Variants in DIAPH2 observed in about 807,000 individuals in gnomAD.
DIAPH2 encodes protein diaphanous homolog 2.
A neutral mutation model predicts 92.7 loss-of-function variants in DIAPH2; 35 were observed. The observed-to-expected ratio is 0.38, with a 90% CI of 0.29 to 0.50. The LOEUF (loss-of-function observed/expected upper bound fraction) is 0.50, where lower values mean the gene tolerates loss of function less well. DIAPH2 is among the 20% of genes least tolerant of loss of function. The pLI is 0.94. For synonymous variants in DIAPH2, 301 were observed against 280.4 expected (o/e 1.07, Z -0.73); for missense variants, 701 against 819.5 (o/e 0.86, Z 1.77).
At chrX:97,022,978 G>A (rs1264091105) in intron 17 of DIAPH2, among the ~76,000 whole-genome samples, 1 of 111,542 alleles carries the variant, frequency 9.0e-6, no homozygotes, top group African/African-American at 3.3e-5. Flanking sequence ...GAGGCCAGTA[G>A]TTCAAGGCTT....
intron 1 of DIAPH2, among the ~76,000 whole-genome samples, chrX:96,693,052 G>A (rs1325782798): frequency 2.7e-5 from 3 of 112,065 alleles, no homozygotes; most frequent in Non-Finnish European, 3.8e-5. Flanking sequence ...CTGGGGATGG[G>A]TGGAGTAGGT....
chrX:96,925,761 C>G lies in DIAPH2; in HGVS notation c.979-4972C>G, dbSNP rs370801616. 8.0e-5 allele frequency among the ~76,000 whole-genome samples: 9 copies of G among 111,854 alleles called. No individual in the cohort carries two copies. In the East Asian group the frequency reaches 2.0e-3, roughly 25 times the overall value. ...ATACTTCATCTGGCTGTTGCTTTCTCTTTCGCCTCATATTCCACCACCCTT... is the reference window on the plus strand; with the variant it reads ...ATACTTCATCTGGCTGTTGCTTTCTGTTTCGCCTCATATTCCACCACCCTT... On this transcript the variant is annotated intron_variant, in intron 9 of 26. Transcript: ENST00000324765.
chrX:96,884,294 C>A, intron 5 of DIAPH2: 1 of 1,197,806 alleles, frequency 8.3e-7, no homozygotes, highest in Non-Finnish European at 1.1e-6. Flanking sequence ...TTCTCCTCAG[C>A]CTGAGCTGTC....
intron 4 of DIAPH2, among the ~76,000 whole-genome samples, chrX:96,875,650 C>A (rs992799157): frequency 1.9e-4 from 21 of 110,976 alleles, no homozygotes; most frequent in African/African-American, 6.9e-4. Flanking sequence ...GGAAATGACA[C>A]AATATGAAGT....
chrX:97,247,643 T>A, intron 22 of DIAPH2, 72 bp from the exon 23 acceptor site: 1 of 1,007,847 alleles, frequency 9.9e-7, no homozygotes, highest in Non-Finnish European at 1.4e-6. Flanking sequence ...CTTTAACTGA[T>A]AATGTCTCCT....
At chrX:97,464,173 G>T (rs1281200557) in intron 26 of DIAPH2, among the ~76,000 whole-genome samples, 1 of 107,995 alleles carries the variant, frequency 9.3e-6, no homozygotes. Flanking sequence ...AGAAATATAA[G>T]TTGCTCTCAG....
intron 26 of DIAPH2, among the ~76,000 whole-genome samples, chrX:97,575,170 A>G (rs150669558): frequency 8.1e-4 from 91 of 113,043 alleles, no homozygotes; most frequent in African/African-American, 2.9e-3. Context: ...TAAGCCACAG[A>G]AATGTATTGT....
intron 20 of DIAPH2, 108 bp downstream of exon 20, chrX:97,099,903 T>G (rs2066895164): frequency 2.9e-6 from 1 of 349,809 alleles, no homozygotes; most frequent in African/African-American, 2.6e-5. Flanking sequence ...CATTACTGTA[T>G]TGCTACATAA....
chrX:96,939,540 ATG>A (rs1367614374), intron 12 of DIAPH2, among the ~76,000 whole-genome samples, 158 bp downstream of exon 12: 5 of 79,821 alleles, frequency 6.3e-5, no homozygotes, highest in Non-Finnish European at 1.2e-4. Context: ...GTATATATAT[ATG>A]TATGTATATA....
intron 22 of DIAPH2, among the ~76,000 whole-genome samples, chrX:97,181,905 A>C (rs2067543480): frequency 8.9e-6 from 1 of 112,697 alleles, no homozygotes; most frequent in African/African-American, 3.2e-5. Context: ...ATGGTGTGTT[A>C]ATAGATCATA....
chrX:97,209,010 C>T (rs1194192997), intron 22 of DIAPH2, among the ~76,000 whole-genome samples: 1 of 110,648 alleles, frequency 9.0e-6, no homozygotes, highest in Non-Finnish European at 1.9e-5. Context: ...ACTACATAAT[C>T]ATTTCTAATT....
rs773175815 is a variant in DIAPH2 at position 97,035,002 on chromosome X, G to C, written c.2051-37939G>C. On this transcript the variant is annotated intron_variant, in intron 17 of 26. Transcript: ENST00000324765. Reference sequence around the variant, plus strand: ...ATACACTTACAAAACATATCGGCTAGTGTATGCATTATTTCTACAACACTA... The same window carrying C: ...ATACACTTACAAAACATATCGGCTACTGTATGCATTATTTCTACAACACTA... 1.6e-3 allele frequency among the ~76,000 whole-genome samples: 177 copies of C among 112,160 alleles called. 1 individual carries two copies. The highest frequency in any genetic ancestry group is 2.3e-3 in the Non-Finnish European group (122 of 53,204).
chrX:97,076,714 A>C (rs923420142), intron 19 of DIAPH2, among the ~76,000 whole-genome samples: 1 of 111,801 alleles, frequency 8.9e-6, no homozygotes, highest in Admixed American at 9.5e-5. Flanking sequence ...GCTTACATTA[A>C]AGTTTACCTC....
At chrX:97,308,643 C>T (rs1477688439) in intron 23 of DIAPH2, among the ~76,000 whole-genome samples, 1 of 69,901 alleles carries the variant, frequency 1.4e-5, no homozygotes, top group Non-Finnish European at 2.6e-5. Context: ...TTTTTTGAGA[C>T]GGAGTCTCGC....
chrX:97,296,286 T>C lies in DIAPH2; in HGVS notation c.2844+48447T>C, dbSNP rs187330036. Among the ~76,000 whole-genome samples, 34 of 111,757 alleles carry C rather than the reference T, an allele frequency of 3.0e-4. 1 individual carries two copies. The East Asian group carries it at 9.0e-3, about 30-fold the overall frequency. ...AAACTAATTAGGCCCTTGAATAATA[T>C]AGGAATTTTCCCTACTACCCTTCAT... On this transcript the variant is annotated intron_variant, in intron 23 of 26. Transcript: ENST00000324765.
At chrX:97,033,917 A>G (rs1044871789) in intron 17 of DIAPH2, among the ~76,000 whole-genome samples, 1 of 111,837 alleles carries the variant, frequency 8.9e-6, no homozygotes, top group Admixed American at 9.5e-5. Context: ...CTTCATGTCT[A>G]TGTTGTTCCA....
In DIAPH2 at chrX:97,114,868, A is replaced by C; in HGVS notation, c.2492A>C (p.Asn831Thr). The C allele has an allele frequency of 8.3e-7, 1 of 1,211,051 alleles. No homozygotes were observed. The highest frequency in any genetic ancestry group is 1.1e-6 in the Non-Finnish European group (1 of 894,969). ...CEELKKSESF[N>T]RLLELVLLVG... ...GAACTGAAGAAAAGTGAAAGCTTTAACAGACTTTTAGAGTTAGTTCTTCTT... is the reference window on the plus strand; with the variant it reads ...GAACTGAAGAAAAGTGAAAGCTTTACCAGACTTTTAGAGTTAGTTCTTCTT... Residue 831 changes from asparagine (N) to threonine (T), a missense_variant, in exon 21 of 27, where the codon AAC (asparagine) becomes ACC (threonine). Coordinates refer to ENST00000324765, the MANE Select transcript of DIAPH2 (RefSeq NM_006729.5).
At chrX:96,725,541 T>TG (rs1245686536) in intron 1 of DIAPH2, among the ~76,000 whole-genome samples, 1 of 112,091 alleles carries the variant, frequency 8.9e-6, no homozygotes, top group African/African-American at 3.2e-5. Flanking sequence ...TGTGAGTAAA[T>TG]GAGCTGTTTT....
chrX:97,562,790 G>A (rs761099033), intron 26 of DIAPH2, among the ~76,000 whole-genome samples: 66 of 111,866 alleles, frequency 5.9e-4, no homozygotes, highest in South Asian at 1.1e-3. Context: ...TGTTTTTCTA[G>A]GCTATAGATG....
Sources: allele counts gnomAD v4.1 joint callset (sites outside exome capture counted in the v4.1 genomes callset), GRCh38; gene constraint gnomAD v4.1.1; transcripts MANE v1.5; gene names NCBI Gene and HGNC (gene_info 2026-07-23, HGNC 2026-07-21).